The following HSD17B7 variants were observed in gnomAD, a reference collection of about 807,000 sequenced individuals.
HSD17B7 encodes the protein 3-keto-steroid reductase/17-beta-hydroxysteroid dehydrogenase 7.
A neutral mutation model predicts 34.1 loss-of-function variants in HSD17B7; 17 were observed. That is an observed-to-expected ratio of 0.50 (90% CI 0.34 to 0.75). The LOEUF is 0.75. HSD17B7 is among the 30% of genes least tolerant of loss of function. The probability of loss-of-function intolerance (pLI) is 0.01; values close to 1 mark genes in which losing one functional copy is unlikely to be tolerated. For missense variants in HSD17B7, 296 were observed against 406.6 expected (o/e 0.73, Z 2.34); for synonymous variants, 122 against 154.6 (o/e 0.79, Z 1.56).
At chr1:162,807,183 A>G (rs1649009507) in intron 8 of HSD17B7, among the ~76,000 whole-genome samples, 1 of 151,916 alleles carries the variant, frequency 6.6e-6, no homozygotes, top group Non-Finnish European at 1.5e-5. Context: ...TCCAAGTGTT[A>G]TCATTGTTCA....
At chr1:162,791,054 CAGTA>C (rs1313366549) in intron 1 of HSD17B7, among the ~76,000 whole-genome samples, 6 of 151,434 alleles carry the variant, frequency 4.0e-5, no homozygotes, top group Admixed American at 3.3e-4. Context: ...ACTAGAGCAT[CAGTA>C]AGTGATGAGT....
chr1:162,809,988 CT>C (rs1191514427), intron 8 of HSD17B7, among the ~76,000 whole-genome samples: 10 of 152,064 alleles, frequency 6.6e-5, no homozygotes, highest in Non-Finnish European at 1.5e-4. Context: ...TTGCCTTCTG[CT>C]AGCTTTTGAA....
rs374550756 is a variant in HSD17B7 at position 162,799,905 on chromosome 1, A to C, written c.610A>C (p.Ser204Arg). 12 of 1,613,896 alleles carry C rather than the reference A, an allele frequency of 7.4e-6. No individual in the cohort carries two copies. Among genetic ancestry groups the C allele is most frequent in the Non-Finnish European group, 1.0e-5 (12 of 1,179,966 alleles). Residue 204 changes from serine to arginine, a missense_variant, in exon 5 of 9, where the codon AGT becomes CGT. Coordinates refer to ENST00000254521, the MANE Select transcript of HSD17B7 (RefSeq NM_016371.4). Reference sequence around the variant, plus strand: ...TTCCAAATATGCCACTGACCTTTTGAGTGTGGCTTTGAACAGGAACTTCAA... The same window carrying C: ...TTCCAAATATGCCACTGACCTTTTGCGTGTGGCTTTGAACAGGAACTTCAA... ...SSSKYATDLL[S>R]VALNRNFNQQ... is the part of the protein sequence containing the mutation.
At chr1:162,797,375 A>G (rs1316136740) in intron 3 of HSD17B7, 1 of 167,148 alleles carries the variant, frequency 6.0e-6, no homozygotes, top group African/African-American at 2.4e-5. Context: ...AATACGTTTG[A>G]AGTATTCCCA....
rs185502492 is a variant in HSD17B7 at position 162,802,618 on chromosome 1, T to C, written c.643-813T>C. Among the ~76,000 whole-genome samples the C allele has an allele frequency of 1.4e-3, 206 of 152,252 alleles. 1 individual carries two copies. The highest frequency in any genetic ancestry group is 4.9e-3 in the African/African-American group (202 of 41,538). On this transcript the variant is annotated intron_variant, in intron 5 of 8. Transcript: ENST00000254521. Reference sequence around the variant, plus strand: ...TAAACTGGCACTTCCTATTTTTTTATTTAAAAGAAAAAATGAGTTTAAAAA... The same window carrying C: ...TAAACTGGCACTTCCTATTTTTTTACTTAAAAGAAAAAATGAGTTTAAAAA...
At chr1:162,806,459 G>C (rs183649390) in intron 8 of HSD17B7, among the ~76,000 whole-genome samples, 1 of 152,204 alleles carries the variant, frequency 6.6e-6, no homozygotes, top group Non-Finnish European at 1.5e-5. Flanking sequence ...GCAAGAAGCA[G>C]TTCCTCTAGC....
At chr1:162,810,200 G>A (rs1164125281) in intron 8 of HSD17B7, among the ~76,000 whole-genome samples, 2 of 152,142 alleles carry the variant, frequency 1.3e-5, no homozygotes, top group East Asian at 1.9e-4. Context: ...CCCTCATTTC[G>A]TTATGTACCC....
intron 1 of HSD17B7, 112 bp from the exon 2 acceptor site, chr1:162,792,547 C>T (rs796165148): frequency 2.1e-6 from 3 of 1,400,130 alleles, no homozygotes; most frequent in East Asian, 2.5e-5. Flanking sequence ...TTCTTTCTAT[C>T]TGGGCTTCTC....
At chr1:162,792,605 G>A (rs2998105) in intron 1 of HSD17B7, 54 bp from the exon 2 acceptor site, 3 of 1,573,802 alleles carry the variant, frequency 1.9e-6, no homozygotes, top group Non-Finnish European at 2.6e-6. Flanking sequence ...AGAAATGCCT[G>A]TACCTGATGC....
At chr1:162,802,584 ACTGT>A (rs979017677) in intron 5 of HSD17B7, among the ~76,000 whole-genome samples, 10 of 152,190 alleles carry the variant, frequency 6.6e-5, no homozygotes, top group African/African-American at 1.9e-4. Flanking sequence ...TGTCCATTGA[ACTGT>A]CTGTTAAACT....
At chr1:162,790,904 C>A in intron 1 of HSD17B7, 69 bp downstream of exon 1, 2 of 1,273,248 alleles carry the variant, frequency 1.6e-6, no homozygotes, top group Admixed American at 4.0e-5. Context: ...GGTCTGCGAC[C>A]CTCCACGAAC....
intron 1 of HSD17B7, among the ~76,000 whole-genome samples, chr1:162,791,862 T>G (rs529301326): frequency 6.6e-6 from 1 of 152,288 alleles, no homozygotes; most frequent in Admixed American, 6.5e-5. Context: ...AGGCTCTTTT[T>G]GGGTTTTAAC....
At position 162,812,333 on chromosome 1, in the gene HSD17B7, T is replaced by C; in HGVS notation, c.939T>C (p.Tyr313=). ...ATGAAGACACTGCTGAAAAATTTTATCAAAAGTTACTGGAACTGGAAAAGC... is the reference window on the plus strand; with the variant it reads ...ATGAAGACACTGCTGAAAAATTTTACCAAAAGTTACTGGAACTGGAAAAGC... ...DLDEDTAEKF[Y]QKLLELEKHI... Residue 313 remains tyrosine, a synonymous_variant, in exon 9 of 9, where the codon TAT becomes TAC. Coordinates refer to ENST00000254521, the MANE Select transcript of HSD17B7 (RefSeq NM_016371.4). The C allele has an allele frequency of 1.9e-6, 3 of 1,613,030 alleles. No individual in the cohort carries two copies. The highest frequency in any genetic ancestry group is 2.5e-6 in the Non-Finnish European group (3 of 1,179,544).
At chr1:162,808,766 GTTT>G (rs547965302) in intron 8 of HSD17B7, among the ~76,000 whole-genome samples, 1,857 of 152,216 alleles carry the variant, frequency 0.012, 28 homozygotes, top group African/African-American at 0.043. Flanking sequence ...TTGGCTCTCT[GTTT>G]GTCTGTTATT....
At chr1:162,807,488 C>G (rs1649025507) in intron 8 of HSD17B7, among the ~76,000 whole-genome samples, 1 of 152,158 alleles carries the variant, frequency 6.6e-6, no homozygotes, top group African/African-American at 2.4e-5. Context: ...GGTATATACC[C>G]AGGAATGGGA....
intron 5 of HSD17B7, chr1:162,802,781 G>T (rs1486860762): frequency 9.2e-5 from 14 of 152,184 alleles, no homozygotes; most frequent in African/African-American, 3.4e-4. Flanking sequence ...AGATCACATA[G>T]GACCCTTTGT....
intron 8 of HSD17B7, among the ~76,000 whole-genome samples, chr1:162,809,518 T>C (rs1302370722): frequency 6.6e-6 from 1 of 151,550 alleles, no homozygotes; most frequent in Non-Finnish European, 1.5e-5. Flanking sequence ...CTTTTTCTAT[T>C]GATTGGAATA....
At chr1:162,795,542 C>G (rs1484905793) in intron 2 of HSD17B7, 1 of 394,130 alleles carries the variant, frequency 2.5e-6, no homozygotes, top group Non-Finnish European at 5.1e-6. Flanking sequence ...GTGGCACTTA[C>G]ATGATGAACT....
intron 5 of HSD17B7, among the ~76,000 whole-genome samples, chr1:162,800,987 C>G (rs4387160): frequency 0.18 from 28,054 of 152,008 alleles, 3,116 homozygotes; most frequent in South Asian, 0.41. Flanking sequence ...ATGATGCCCC[C>G]CTTTTTTTTT....
Sources: allele counts gnomAD v4.1 joint callset (sites outside exome capture counted in the v4.1 genomes callset), GRCh38; gene constraint gnomAD v4.1.1; transcripts MANE v1.5; gene names NCBI Gene and HGNC (gene_info 2026-07-23, HGNC 2026-07-21).